Variants in FAM177A1 observed in about 807,000 individuals in gnomAD.
The protein encoded by FAM177A1 is protein FAM177A1.
FAM177A1 carries 22 observed loss-of-function variants against 26.1 expected under a neutral mutation model. The ratio of observed to expected loss-of-function variants is 0.84; its 90% CI spans 0.60 to 1.20. FAM177A1 has a LOEUF of 1.20. Among genes scored for constraint, FAM177A1 ranks in the 50% most tolerant of loss-of-function variants. FAM177A1 has a pLI of 0.00. For missense variants in FAM177A1, 296 were observed against 291.1 expected (o/e 1.02, Z -0.12); for synonymous variants, 95 against 99.3 (o/e 0.96, Z 0.26).
chr14:35,047,814 T>C (rs902838837), intron 1 of FAM177A1, among the ~76,000 whole-genome samples: 1 of 152,138 alleles, frequency 6.6e-6, no homozygotes, highest in Non-Finnish European at 1.5e-5. Context: ...CTCATGTATG[T>C]AACTCTTCCC....
chr14:35,066,106 G>A (rs1393272062), intron 2 of FAM177A1, among the ~76,000 whole-genome samples: 1 of 151,854 alleles, frequency 6.6e-6, no homozygotes, highest in Non-Finnish European at 1.5e-5. Flanking sequence ...TTCCTCTGTT[G>A]CCCAGGCTGT....
intron 2 of FAM177A1, among the ~76,000 whole-genome samples, chr14:35,063,243 A>G (rs1490719283): frequency 6.6e-6 from 1 of 151,648 alleles, no homozygotes; most frequent in African/African-American, 2.4e-5. Context: ...TATGACTCCA[A>G]TTTTTAAATA....
intron 2 of FAM177A1, among the ~76,000 whole-genome samples, chr14:35,069,285 G>GTTTT (rs61628117): frequency 3.6e-5 from 5 of 137,744 alleles, no homozygotes; most frequent in Admixed American, 7.3e-5. Context: ...ATTGGAGTAG[G>GTTTT]TTTTTTTTTT....
At chr14:35,051,079 A>T (rs1421357661) in intron 1 of FAM177A1, among the ~76,000 whole-genome samples, 1 of 152,196 alleles carries the variant, frequency 6.6e-6, no homozygotes, top group Non-Finnish European at 1.5e-5. Context: ...ATGTTAATAC[A>T]TAGGTAGCCT....
intron 2 of FAM177A1, among the ~76,000 whole-genome samples, chr14:35,058,200 T>G (rs1218623375): frequency 6.6e-6 from 1 of 151,956 alleles, no homozygotes; most frequent in Non-Finnish European, 1.5e-5. Flanking sequence ...CAGCCTCCCA[T>G]GTAGCTGAGA....
chr14:35,060,944 T>G (rs2045142000), intron 2 of FAM177A1, among the ~76,000 whole-genome samples: 1 of 152,202 alleles, frequency 6.6e-6, no homozygotes, highest in Non-Finnish European at 1.5e-5. Context: ...CAGTACAACA[T>G]GATATTTTGG....
intron 2 of FAM177A1, among the ~76,000 whole-genome samples, chr14:35,071,621 A>G (rs1307524680): frequency 6.6e-6 from 1 of 152,118 alleles, no homozygotes; most frequent in Non-Finnish European, 1.5e-5. Flanking sequence ...GTTGTGTGGG[A>G]TGATGATAAA....
intron 2 of FAM177A1, among the ~76,000 whole-genome samples, chr14:35,060,638 G>T (rs1346731666): frequency 1.3e-5 from 2 of 152,180 alleles, no homozygotes; most frequent in East Asian, 1.9e-4. Context: ...TGACTGCTGT[G>T]TTCTTTTAGT....
intron 4 of FAM177A1, 71 bp downstream of exon 4, chr14:35,079,095 CTATG>C: frequency 8.6e-7 from 1 of 1,167,716 alleles, no homozygotes; most frequent in African/African-American, 1.6e-5. Flanking sequence ...CATAATGAGC[CTATG>C]TATTTTCTAA....
At position 35,073,497 on chromosome 14, in the gene FAM177A1, T is replaced by C. The variant is rs564169176; in HGVS notation, c.340-3653T>C. 3.8e-3 allele frequency among the ~76,000 whole-genome samples: 585 copies of C among 152,304 alleles called. 6 individuals carry two copies. Among genetic ancestry groups the C allele is most frequent in the African/African-American group, 0.014 (568 of 41,568 alleles). On this transcript the variant is annotated intron_variant, in intron 2 of 4. Transcript: ENST00000280987. The stretch of plus-strand genomic sequence containing the variant: ...TTGTGTTTGGGGGCAAGTACAACAC[T>C]TTGACACCTTCAGTGTTGAACTTGT...
chr14:35,080,661 C>T (rs767681228), intron 4 of FAM177A1, among the ~76,000 whole-genome samples: 11 of 151,960 alleles, frequency 7.2e-5, no homozygotes, highest in Non-Finnish European at 1.3e-4. Context: ...ATTAGCTGGG[C>T]GTGGTGGCAG....
At chr14:35,046,235 C>A, upstream of FAM177A1, 1 of 403,568 alleles carries the variant, frequency 2.5e-6, no homozygotes, top group Non-Finnish European at 4.3e-6. Flanking sequence ...CCGCCCCGCC[C>A]CGCCCCGCCC....
rs1219700188 is a variant in FAM177A1, at chr14:35,077,201, A to G, written c.391A>G (p.Thr131Ala). 1 of 1,613,944 alleles carries G rather than the reference A, an allele frequency of 6.2e-7. No homozygotes were observed. ...YLWFYMLRAA[T>A]STLSVCDFLG... ...ATGGTTTTACATGCTTCGGGCTGCT[A>G]CATCAACTCTCTCAGGTATTGCTTT... The change falls in exon 3 of 5, where the codon ACA becomes GCA. Residue 131 changes from threonine to alanine, a missense_variant. Transcript: ENST00000280987.
intron 1 of FAM177A1, 136 bp downstream of exon 1, chr14:35,046,764 C>T (rs2044873557): frequency 2.2e-6 from 3 of 1,393,528 alleles, no homozygotes; most frequent in African/African-American, 3.0e-5. Flanking sequence ...CACTGCACCC[C>T]TGTTTCTGCT....
At chr14:35,057,983 G>A (rs2045088718) in intron 2 of FAM177A1, among the ~76,000 whole-genome samples, 1 of 152,048 alleles carries the variant, frequency 6.6e-6, no homozygotes, top group Non-Finnish European at 1.5e-5. Context: ...TGTCTGTGAG[G>A]TCTAATTGAT....
At chr14:35,077,039 C>T in intron 2 of FAM177A1, 111 bp from the exon 3 acceptor site, 1 of 799,192 alleles carries the variant, frequency 1.3e-6, no homozygotes, top group Admixed American at 2.0e-5. Flanking sequence ...CTTTGTAGTA[C>T]TGCCTATAGA....
chr14:35,076,630 T>C (rs2045400964), intron 2 of FAM177A1, among the ~76,000 whole-genome samples: 1 of 152,080 alleles, frequency 6.6e-6, no homozygotes, highest in Admixed American at 6.6e-5. Context: ...AAACGAAACT[T>C]ATCTTGCCGC....
At chr14:35,056,814 C>G (rs948614899) in intron 2 of FAM177A1, among the ~76,000 whole-genome samples, 1 of 152,068 alleles carries the variant, frequency 6.6e-6, no homozygotes, top group African/African-American at 2.4e-5. Flanking sequence ...TTGTGTCTTT[C>G]TAGGAATTTG....
intron 2 of FAM177A1, among the ~76,000 whole-genome samples, chr14:35,058,995 G>C (rs1383023600): frequency 6.6e-6 from 1 of 152,092 alleles, no homozygotes; most frequent in African/African-American, 2.4e-5. Flanking sequence ...GACTGCAGTG[G>C]CATGATCTCG....
Sources: allele counts gnomAD v4.1 joint callset (sites outside exome capture counted in the v4.1 genomes callset), GRCh38; gene constraint gnomAD v4.1.1; transcripts MANE v1.5; gene names NCBI Gene and HGNC (gene_info 2026-07-23, HGNC 2026-07-21).